Variants in LATS2 observed in about 807,000 individuals in gnomAD.
The protein encoded by LATS2 is large tumor suppressor kinase 2.
A neutral mutation model predicts 76.0 loss-of-function variants in LATS2; 24 were observed. That is an observed-to-expected ratio of 0.32 (90% CI 0.23 to 0.44). The LOEUF (loss-of-function observed/expected upper bound fraction) is 0.44. LATS2 is among the 20% of genes least tolerant of loss of function. The pLI is 1.00. For missense variants in LATS2, 1,286 were observed against 1,481.2 expected, an observed-to-expected ratio of 0.87 and a Z score of 2.16; for synonymous variants, 692 against 635.4, an observed-to-expected ratio of 1.09 and a Z score of -1.34.
At chr13:20,979,384 A>G (rs955074101) in intron 7 of LATS2, among the ~76,000 whole-genome samples, 6 of 152,056 alleles carry the variant, frequency 3.9e-5, no homozygotes, top group African/African-American at 1.2e-4. Context: ...GAGACAGTGG[A>G]TCAGCAGCAC....
chr13:21,036,590 T>C (rs1249623081), intron 2 of LATS2, among the ~76,000 whole-genome samples: 2 of 151,842 alleles, frequency 1.3e-5, no homozygotes, highest in African/African-American at 2.4e-5. Flanking sequence ...CTCACCAACA[T>C]GGTGAAACCC....
chr13:20,993,400 A>G (rs610312), intron 2 of LATS2, among the ~76,000 whole-genome samples: 103,748 of 152,138 alleles, frequency 0.68, 37,281 homozygotes, highest in Middle Eastern at 0.83. Flanking sequence ...AGTCCTGGCC[A>G]TATGCCAGCA....
At chr13:20,993,432 A>G (rs609980) in intron 2 of LATS2, among the ~76,000 whole-genome samples, 108,141 of 152,032 alleles carry the variant, frequency 0.71, 39,564 homozygotes, top group Middle Eastern at 0.83. Flanking sequence ...CAAAAAACAC[A>G]GGCTGTAAAC....
At chr13:21,024,487 T>G (rs1365281686) in intron 2 of LATS2, among the ~76,000 whole-genome samples, 1 of 152,080 alleles carries the variant, frequency 6.6e-6, no homozygotes, top group East Asian at 1.9e-4. Flanking sequence ...CTTTTTAGGT[T>G]GGCTGGACTT....
Position 21,021,474 on chromosome 13 carries a change from C to CAAAAAAAAAA in LATS2, c.342+24201_342+24210dup, listed in dbSNP as rs58976562. Among the ~76,000 whole-genome samples the CAAAAAAAAAA allele has an allele frequency of 2.3e-4, 11 of 48,370 alleles. 2 individuals carry two copies. Among genetic ancestry groups the CAAAAAAAAAA allele is most frequent in the African/African-American group, 7.5e-4 (11 of 14,572 alleles). The allele number at this position is 48,370 out of a possible 152,430, so 31.7% of individuals were successfully genotyped here. A position where few individuals can be genotyped will look rare whatever the true frequency, so the allele number is the denominator to read the frequency against. Reference sequence around the variant, plus strand: ...CGGGCAGCAGAGTGAGACTCTGTCTCAAAAAAAAAAAAAAAAAAAAAAAAA... The same window carrying CAAAAAAAAAA: ...CGGGCAGCAGAGTGAGACTCTGTCTCAAAAAAAAAAAAAAAAAAAAAAAAAAAAAAAAAAA... On this transcript the variant is annotated intron_variant, in intron 2 of 7. Coordinates refer to ENST00000382592, the MANE Select transcript of LATS2 (RefSeq NM_014572.3).
At chr13:21,055,285 A>G (rs1342398329) in intron 1 of LATS2, among the ~76,000 whole-genome samples, 1 of 142,278 alleles carries the variant, frequency 7.0e-6, no homozygotes, top group African/African-American at 2.5e-5. Flanking sequence ...TTTTATAAAT[A>G]TGACCCTCAT....
chr13:21,040,564 CAG>C (rs1352328395), intron 2 of LATS2, among the ~76,000 whole-genome samples: 2 of 152,144 alleles, frequency 1.3e-5, no homozygotes, highest in African/African-American at 4.8e-5. Flanking sequence ...AATCATATGT[CAG>C]AGAGACCCAA....
intron 1 of LATS2, among the ~76,000 whole-genome samples, chr13:21,054,006 G>A (rs1177465760): frequency 6.6e-6 from 1 of 152,150 alleles, no homozygotes; most frequent in African/African-American, 2.4e-5. Context: ...CAGTAATGGT[G>A]CATTTAATGC....
chr13:20,999,487 T>G (rs1405913199), intron 2 of LATS2, among the ~76,000 whole-genome samples: 3 of 152,222 alleles, frequency 2.0e-5, no homozygotes, highest in African/African-American at 4.8e-5. Flanking sequence ...TTCTTTTTTT[T>G]TGACAGGGTC....
intron 1 of LATS2, among the ~76,000 whole-genome samples, chr13:21,050,451 C>A (rs1873236841): frequency 6.6e-6 from 1 of 152,084 alleles, no homozygotes; most frequent in African/African-American, 2.4e-5. Flanking sequence ...ACTGTATATC[C>A]AAGGAATTAT....
chr13:21,049,468 A>T (rs1333969527), intron 1 of LATS2, among the ~76,000 whole-genome samples: 1 of 152,232 alleles, frequency 6.6e-6, no homozygotes, highest in Non-Finnish European at 1.5e-5. Flanking sequence ...TTGCCCGGCC[A>T]GAGGCCTGCC....
intron 2 of LATS2, among the ~76,000 whole-genome samples, chr13:20,996,839 C>G (rs1328575259): frequency 1.3e-5 from 2 of 152,152 alleles, no homozygotes; most frequent in African/African-American, 4.8e-5. Flanking sequence ...TTACCTGGAG[C>G]CCTTATCTGC....
At chr13:21,030,607 A>AAG (rs369608584) in intron 2 of LATS2, among the ~76,000 whole-genome samples, 65,217 of 122,056 alleles carry the variant, frequency 0.53, 19,155 homozygotes, top group Non-Finnish European at 0.66. Context: ...AAAAAAAAAA[A>AAG]AAAAGAAAAA....
At chr13:21,001,254 C>A in intron 2 of LATS2, among the ~76,000 whole-genome samples, 1 of 152,198 alleles carries the variant, frequency 6.6e-6, no homozygotes, top group Non-Finnish European at 1.5e-5. Context: ...TTAATATACT[C>A]AAAGTTCCCT....
chr13:20,997,415 T>C (rs1042037069), intron 2 of LATS2, among the ~76,000 whole-genome samples: 25 of 152,192 alleles, frequency 1.6e-4, no homozygotes, highest in African/African-American at 5.3e-4. Flanking sequence ...AGAGGCACTT[T>C]AACAAAACGG....
chr13:21,006,208 A>G (rs538787349), intron 2 of LATS2, among the ~76,000 whole-genome samples: 20 of 108,314 alleles, frequency 1.8e-4, no homozygotes, highest in South Asian at 3.1e-4. Flanking sequence ...ATGTGTGAGG[A>G]AAAAAAAAAA....
intron 2 of LATS2, among the ~76,000 whole-genome samples, chr13:21,036,845 T>G (rs1380755037): frequency 6.6e-6 from 1 of 152,136 alleles, no homozygotes; most frequent in Non-Finnish European, 1.5e-5. Context: ...CTTCTAGTTT[T>G]TAGTAGTAGT....
At chr13:20,982,641 T>C (rs538085713) in intron 5 of LATS2, among the ~76,000 whole-genome samples, 41 of 152,202 alleles carry the variant, frequency 2.7e-4, no homozygotes, top group African/African-American at 8.7e-4. Flanking sequence ...CTTGCTTTAA[T>C]GAGGCAGGTG....
chr13:21,027,343 A>T (rs1001631466), intron 2 of LATS2, among the ~76,000 whole-genome samples: 1 of 152,158 alleles, frequency 6.6e-6, no homozygotes, highest in Non-Finnish European at 1.5e-5. Context: ...TAGCTGTTTT[A>T]TATTTAGTTC....
Sources: allele counts gnomAD v4.1 joint callset (sites outside exome capture counted in the v4.1 genomes callset), GRCh38; gene constraint gnomAD v4.1.1; transcripts MANE v1.5; gene names NCBI Gene and HGNC (gene_info 2026-07-23, HGNC 2026-07-21).